Variants in CFAP61 observed in about 807,000 individuals in gnomAD.
CFAP61 encodes cilia and flagella associated protein 61.
In CFAP61, 107 loss-of-function variants were observed where a neutral mutation model predicts 135.6. The observed-to-expected ratio is 0.79, with a 90% CI of 0.67 to 0.93. The LOEUF (loss-of-function observed/expected upper bound fraction) is 0.93. CFAP61 is among the 40% of genes least tolerant of loss of function. The pLI, the probability that CFAP61 is intolerant of heterozygous loss-of-function variation, is 0.00. For missense variants in CFAP61, 1,507 were observed against 1,556.2 expected (o/e 0.97, Z 0.53); for synonymous variants, 575 against 578.5 (o/e 0.99, Z 0.09).
intron 25 of CFAP61, among the ~76,000 whole-genome samples, chr20:20,333,184 AT>A (rs2058061395): frequency 6.6e-6 from 1 of 152,206 alleles, no homozygotes; most frequent in Non-Finnish European, 1.5e-5. Flanking sequence ...AACATATGCA[AT>A]AGGATAATTA....
intron 8 of CFAP61, among the ~76,000 whole-genome samples, chr20:20,139,939 A>G (rs1333383621): frequency 7.2e-5 from 11 of 152,206 alleles, no homozygotes. Context: ...TAGTTCTTCA[A>G]ACTTAAAATA....
intron 18 of CFAP61, among the ~76,000 whole-genome samples, chr20:20,234,796 G>A (rs780505525): frequency 2.0e-5 from 3 of 152,046 alleles, no homozygotes; most frequent in East Asian, 1.9e-4. Flanking sequence ...AGTCAGAAGC[G>A]ACGGTGGAGT....
At chr20:20,332,050 A>G (rs1265209276) in intron 25 of CFAP61, among the ~76,000 whole-genome samples, 1 of 152,230 alleles carries the variant, frequency 6.6e-6, no homozygotes, top group Non-Finnish European at 1.5e-5. Flanking sequence ...CCAGGGCACT[A>G]GATTTATTGT....
At chr20:20,069,878 T>C in intron 2 of CFAP61, 1 of 384,192 alleles carries the variant, frequency 2.6e-6, no homozygotes, top group South Asian at 2.0e-5. Flanking sequence ...TGCTTCTTCC[T>C]GTTCTCCTCA....
chr20:20,176,223 G>C (rs2054616862), intron 13 of CFAP61, among the ~76,000 whole-genome samples: 1 of 152,152 alleles, frequency 6.6e-6, no homozygotes, highest in Non-Finnish European at 1.5e-5. Flanking sequence ...GCGAGACTAT[G>C]GAGAAATAGG....
chr20:20,054,245 T>C (rs1312766459), intron 1 of CFAP61, among the ~76,000 whole-genome samples: 1 of 152,014 alleles, frequency 6.6e-6, no homozygotes, highest in African/African-American at 2.4e-5. Flanking sequence ...TTATCTTCAT[T>C]TTAAAGTGAT....
At chr20:20,152,773 G>C (rs1429593555) in intron 9 of CFAP61, among the ~76,000 whole-genome samples, 3 of 152,116 alleles carry the variant, frequency 2.0e-5, no homozygotes, top group Non-Finnish European at 4.4e-5. Flanking sequence ...CAATAATAGT[G>C]GGGGACTTCA....
intron 20 of CFAP61, among the ~76,000 whole-genome samples, chr20:20,257,636 A>C (rs1274941454): frequency 6.6e-6 from 1 of 151,644 alleles, no homozygotes; most frequent in African/African-American, 2.4e-5. Context: ...AACAAAAAAA[A>C]AAAAGAAAAA....
intron 13 of CFAP61, among the ~76,000 whole-genome samples, chr20:20,179,709 G>T (rs1200206454): frequency 1.3e-5 from 2 of 152,136 alleles, no homozygotes; most frequent in Non-Finnish European, 2.9e-5. Context: ...AGAGAATAGA[G>T]AACCCAGAAA....
intron 13 of CFAP61, among the ~76,000 whole-genome samples, chr20:20,172,675 G>T (rs1350967562): frequency 6.6e-6 from 1 of 152,130 alleles, no homozygotes; most frequent in Non-Finnish European, 1.5e-5. Flanking sequence ...AGCAGAAAGT[G>T]CAGAGAGTTC....
intron 9 of CFAP61, among the ~76,000 whole-genome samples, chr20:20,156,068 C>T (rs1269378373): frequency 6.6e-6 from 1 of 152,146 alleles, no homozygotes; most frequent in South Asian, 2.1e-4. Flanking sequence ...GTACAGTATA[C>T]ACTGCTTGGA....
rs536909482 is a variant in CFAP61, at chr20:20,334,297, T to G, written c.3423-7534T>G. ...ATGCACCACCACACCCTGCTAATTT[T>G]TGTATTTTTTGTAGAGACGGGGTTT... On this transcript the variant is annotated intron_variant, in intron 25 of 26. Coordinates refer to ENST00000245957, the MANE Select transcript of CFAP61 (RefSeq NM_015585.4). 1.5e-4 allele frequency among the ~76,000 whole-genome samples: 23 copies of G among 152,266 alleles called. 1 individual carries two copies. The South Asian group carries it at 4.6e-3, about 30-fold the overall frequency.
At chr20:20,323,434 T>G in intron 25 of CFAP61, 1 of 367,258 alleles carries the variant, frequency 2.7e-6, no homozygotes, top group Non-Finnish European at 3.8e-6. Flanking sequence ...GAGAATTCTC[T>G]TCCCAAGAGT....
At position 20,292,217 on chromosome 20, in the gene CFAP61, A is replaced by G. The variant is rs145665810; in HGVS notation, c.3216+1826A>G. 8.0e-4 allele frequency among the ~76,000 whole-genome samples: 122 copies of G among 152,370 alleles called. 3 individuals are homozygous for G. Among genetic ancestry groups the G allele is most frequent in the African/African-American group, 2.6e-3 (110 of 41,584 alleles). ...CATACATAAAGTAACATTGTCAGGA[A>G]CAAAACAGGTAGCCAGTAAGTGGTG... On this transcript the variant is annotated intron_variant, in intron 24 of 26. Coordinates refer to ENST00000245957, the MANE Select transcript of CFAP61 (RefSeq NM_015585.4).
chr20:20,066,536 A>G (rs1361857042), intron 2 of CFAP61, among the ~76,000 whole-genome samples: 1 of 152,196 alleles, frequency 6.6e-6, no homozygotes, highest in African/African-American at 2.4e-5. Flanking sequence ...AGGGACATGG[A>G]TGACGCTGGA....
intron 26 of CFAP61, among the ~76,000 whole-genome samples, chr20:20,352,674 C>A (rs921697333): frequency 6.6e-6 from 1 of 152,176 alleles, no homozygotes; most frequent in Non-Finnish European, 1.5e-5. Flanking sequence ...TCAGCCCATA[C>A]ACAAAAATCA....
chr20:20,334,857 A>G (rs548261538), intron 25 of CFAP61, among the ~76,000 whole-genome samples: 1 of 152,126 alleles, frequency 6.6e-6, no homozygotes, highest in South Asian at 2.1e-4. Context: ...TTTCCATCTC[A>G]GTCTTTGGGA....
intron 15 of CFAP61, 25 bp downstream of exon 15, chr20:20,191,444 T>G: frequency 6.4e-7 from 1 of 1,567,156 alleles, no homozygotes; most frequent in Non-Finnish European, 8.8e-7. Flanking sequence ...GGATATAAAT[T>G]TCTTTGATTG....
chr20:20,317,362 A>G (rs964768093), intron 25 of CFAP61, among the ~76,000 whole-genome samples: 3 of 152,018 alleles, frequency 2.0e-5, no homozygotes, highest in African/African-American at 7.2e-5. Context: ...CTGCCCTGGG[A>G]TTGCACTGCT....
Sources: gnomAD v4.1 joint callset for allele counts (sites outside exome capture counted in the v4.1 genomes callset) on GRCh38, gnomAD v4.1.1 for gene constraint, MANE v1.5 for transcripts, NCBI Gene and HGNC (gene_info 2026-07-23, HGNC 2026-07-21) for gene names.